Variants in VWA8 observed in about 807,000 individuals in gnomAD.
The protein encoded by VWA8 is von Willebrand factor A domain-containing protein 8.
In VWA8, 221 loss-of-function variants were observed where a neutral mutation model predicts 241.5. The ratio of observed to expected loss-of-function variants is 0.91; its 90% CI spans 0.82 to 1.02. The LOEUF is 1.02. Ranked by LOEUF, VWA8 falls within the 50% of genes least tolerant of loss-of-function variation. VWA8 has a pLI of 0.00. For missense variants in VWA8, 2,322 were observed against 2,328.7 expected, an observed-to-expected ratio of 1.00 and a Z score of 0.06; for synonymous variants, 852 against 827.1, an observed-to-expected ratio of 1.03 and a Z score of -0.52.
intron 2 of VWA8, among the ~76,000 whole-genome samples, chr13:41,944,511 C>CT (rs1262787278): frequency 6.6e-6 from 1 of 152,144 alleles, no homozygotes; most frequent in Non-Finnish European, 1.5e-5. Context: ...TAGTGTCTCA[C>CT]TATGTTGCCC....
intron 3 of VWA8, among the ~76,000 whole-genome samples, chr13:41,910,975 T>A (rs1875965794): frequency 1.3e-5 from 2 of 152,176 alleles, no homozygotes; most frequent in South Asian, 4.1e-4. Flanking sequence ...AGAACACAGC[T>A]TCATCTGGTG....
chr13:41,755,960 G>C (rs1468878359), intron 21 of VWA8, among the ~76,000 whole-genome samples: 2 of 151,540 alleles, frequency 1.3e-5, no homozygotes, highest in African/African-American at 2.4e-5. Context: ...AAAAGGAAGG[G>C]TATAATAAAG....
intron 21 of VWA8, among the ~76,000 whole-genome samples, chr13:41,739,764 T>A (rs2045552093): frequency 6.6e-6 from 1 of 151,558 alleles, no homozygotes; most frequent in Admixed American, 6.6e-5. Context: ...TCTGCATTTT[T>A]AGCAACAGGA....
chr13:41,769,936 C>T (rs1026869369), intron 20 of VWA8, among the ~76,000 whole-genome samples: 1 of 152,002 alleles, frequency 6.6e-6, no homozygotes. Context: ...TTTTAAAAGA[C>T]GATTGAATCA....
intron 3 of VWA8, among the ~76,000 whole-genome samples, chr13:41,909,040 A>C (rs935820631): frequency 2.7e-5 from 4 of 148,980 alleles, no homozygotes; most frequent in Non-Finnish European, 5.9e-5. Flanking sequence ...TTATGTACGT[A>C]AAGGAGGAAA....
intron 16 of VWA8, 76 bp downstream of exon 16, chr13:41,816,622 A>T: frequency 7.3e-7 from 1 of 1,376,764 alleles, no homozygotes; most frequent in Non-Finnish European, 1.0e-6. Flanking sequence ...AATAGATTTT[A>T]AGTACTGAAT....
At position 41,744,444 on chromosome 13, in the gene VWA8, T is replaced by C. The variant is rs1051448549; in HGVS notation, c.2427-12289A>G. Among the ~76,000 whole-genome samples, 4 of 152,196 alleles carry C rather than the reference T, an allele frequency of 2.6e-5. No homozygotes were observed. In the East Asian group the frequency reaches 7.7e-4, roughly 29 times the overall value. On this transcript the variant is annotated intron_variant, in intron 21 of 44. Coordinates refer to ENST00000379310, the MANE Select transcript of VWA8 (RefSeq NM_015058.2). The stretch of plus-strand genomic sequence containing the variant: ...AGTTAACGGAAATTAGCTAAGGAAG[T>C]TGTGAACTGAACAACCCATAAATAA...
intron 14 of VWA8, among the ~76,000 whole-genome samples, chr13:41,828,699 T>C (rs753358610): frequency 1.3e-5 from 2 of 152,166 alleles, no homozygotes; most frequent in African/African-American, 4.8e-5. Flanking sequence ...TTGGAAGTTG[T>C]AGACTTTTTT....
intron 37 of VWA8, among the ~76,000 whole-genome samples, chr13:41,657,551 A>G (rs573346696): frequency 6.8e-4 from 100 of 147,758 alleles, no homozygotes; most frequent in Non-Finnish European, 1.3e-3. Flanking sequence ...CTGCAGTGGC[A>G]CAATCTCGGC....
At chr13:41,742,475 AAACTT>A (rs2045576185) in intron 21 of VWA8, among the ~76,000 whole-genome samples, 1 of 152,248 alleles carries the variant, frequency 6.6e-6, no homozygotes, top group Non-Finnish European at 1.5e-5. Flanking sequence ...CAGTGGCTCT[AAACTT>A]AACCATCAAC....
At chr13:41,623,157 G>A (rs1333653888) in intron 37 of VWA8, among the ~76,000 whole-genome samples, 3 of 152,112 alleles carry the variant, frequency 2.0e-5, no homozygotes, top group Non-Finnish European at 4.4e-5. Flanking sequence ...TGGATGCACT[G>A]CTCTCTTGTC....
chr13:41,696,699 T>C (rs1474139313), intron 29 of VWA8, among the ~76,000 whole-genome samples: 1 of 152,218 alleles, frequency 6.6e-6, no homozygotes, highest in South Asian at 2.1e-4. Flanking sequence ...ATCTCTTACA[T>C]GTTATGTCAT....
At chr13:41,729,798 G>GACACACACACACACAC (rs59345894) in intron 22 of VWA8, 121 bp from the exon 23 acceptor site, 13 of 445,104 alleles carry the variant, frequency 2.9e-5, no homozygotes, top group Admixed American at 7.3e-5. Flanking sequence ...TATACACGTA[G>GACACACACACACACAC]ACACACACAC....
chr13:41,671,251 A>T, intron 36 of VWA8, 104 bp from the exon 37 acceptor site: 1 of 1,243,230 alleles, frequency 8.0e-7, no homozygotes, highest in Non-Finnish European at 1.1e-6. Flanking sequence ...GTATGCTCAC[A>T]CTACTCATTA....
chr13:41,914,604 G>C (rs1359442621), intron 2 of VWA8, among the ~76,000 whole-genome samples: 1 of 152,166 alleles, frequency 6.6e-6, no homozygotes, highest in Non-Finnish European at 1.5e-5. Flanking sequence ...TCTCTATGCT[G>C]TAAATCTATT....
At chr13:41,581,000 ATTTTATTTTATTTTT>A (rs1566375341) in intron 42 of VWA8, among the ~76,000 whole-genome samples, 2 of 71,276 alleles carry the variant, frequency 2.8e-5, no homozygotes, top group Non-Finnish European at 4.6e-5. Flanking sequence ...ATTTTATTTT[ATTTTATTTTATTTTT>A]TTTTGAGACG....
chr13:41,875,925 TCAG>T (rs1873876943), intron 9 of VWA8, among the ~76,000 whole-genome samples: 3 of 152,048 alleles, frequency 2.0e-5, no homozygotes, highest in Non-Finnish European at 2.9e-5. Flanking sequence ...TGTCCAATAC[TCAG>T]GTCTGATATT....
chr13:41,625,427 G>C (rs536079763), intron 37 of VWA8, among the ~76,000 whole-genome samples: 36 of 152,300 alleles, frequency 2.4e-4, no homozygotes, highest in African/African-American at 7.7e-4. Flanking sequence ...CAAAGGATAT[G>C]AACAGACACT....
At chr13:41,713,219 G>GA (rs1312727750) in intron 26 of VWA8, among the ~76,000 whole-genome samples, 1 of 152,114 alleles carries the variant, frequency 6.6e-6, no homozygotes, top group Non-Finnish European at 1.5e-5. Context: ...AGGACAAAAT[G>GA]AAAAATTCCA....
Sources: allele counts gnomAD v4.1 joint callset (sites outside exome capture counted in the v4.1 genomes callset), GRCh38; gene constraint gnomAD v4.1.1; transcripts MANE v1.5; gene names NCBI Gene and HGNC (gene_info 2026-07-23, HGNC 2026-07-21).